ZNF18: variants seen among roughly 807,000 people sequenced by gnomAD.
The protein encoded by ZNF18 is heart development-specific gene 1 protein.
In ZNF18, 42 loss-of-function variants were observed where a neutral mutation model predicts 58.1. The observed-to-expected ratio is 0.72, with a 90% CI of 0.56 to 0.93. ZNF18 has a LOEUF of 0.93. Ranked by LOEUF, ZNF18 falls within the 40% of genes least tolerant of loss-of-function variation. The pLI is 0.00. For synonymous variants in ZNF18, 231 were observed against 239.8 expected, an observed-to-expected ratio of 0.96 and a Z score of 0.34; for missense variants, 540 against 644.2, an observed-to-expected ratio of 0.84 and a Z score of 1.75.
the ZNF18 span, chr17:12,020,969 CGCCAGGCCACCCG>C: frequency 8.2e-7 from 1 of 1,214,054 alleles, no homozygotes; most frequent in Non-Finnish European, 1.0e-6. Flanking sequence ...GGGTCCCCGG[CGCCAGGCCACCCG>C]GCCGTCAGCA....
At chr17:11,984,343 G>A in intron 4 of ZNF18, 146 bp from the exon 5 acceptor site, 1 of 726,654 alleles carries the variant, frequency 1.4e-6, no homozygotes, top group East Asian at 2.7e-5. Context: ...TCCCAGCAGA[G>A]TGGTTCAAGG....
upstream of ZNF18, among the ~76,000 whole-genome samples, chr17:12,000,640 C>T (rs1357864278): frequency 1.3e-5 from 2 of 152,146 alleles, no homozygotes; most frequent in Non-Finnish European, 2.9e-5. Context: ...CGCTTGAGCC[C>T]AGGAGGCAGA....
At chr17:12,020,842 T>G in the ZNF18 span, 1 of 923,214 alleles carries the variant, frequency 1.1e-6, no homozygotes, top group Non-Finnish European at 1.4e-6. Flanking sequence ...CCGAGCTTGC[T>G]GCATTGCAGC....
the ZNF18 span, among the ~76,000 whole-genome samples, chr17:12,006,577 A>T: frequency 2.0e-5 from 3 of 152,174 alleles, no homozygotes; most frequent in East Asian, 5.8e-4. Flanking sequence ...AGTAATAAAA[A>T]ATTATTTGTA....
intron 1 of ZNF18, among the ~76,000 whole-genome samples, chr17:11,996,174 A>G (rs1273230675): frequency 6.6e-6 from 1 of 152,244 alleles, no homozygotes; most frequent in East Asian, 1.9e-4. Context: ...CTGAGTGACA[A>G]TGACAGCATT....
At chr17:12,011,286 G>C in the ZNF18 span, 1 of 300,580 alleles carries the variant, frequency 3.3e-6, no homozygotes, top group African/African-American at 2.1e-5. Context: ...AACTTTAAAA[G>C]AATATAAATG....
chr17:11,999,147 A>G (rs1285258459), upstream of ZNF18, among the ~76,000 whole-genome samples: 1 of 152,196 alleles, frequency 6.6e-6, no homozygotes, highest in Non-Finnish European at 1.5e-5. Flanking sequence ...AGAGGGGAAG[A>G]TTATAGGAGT....
At chr17:11,994,786 A>C (rs1968357134) in intron 1 of ZNF18, among the ~76,000 whole-genome samples, 1 of 152,176 alleles carries the variant, frequency 6.6e-6, no homozygotes, top group African/African-American at 2.4e-5. Context: ...GCTTGCAGTG[A>C]GCTGAGATCG....
intron 2 of ZNF18, among the ~76,000 whole-genome samples, chr17:11,991,489 G>GA (rs1159732207): frequency 3.9e-5 from 6 of 152,352 alleles, no homozygotes; most frequent in African/African-American, 1.2e-4. Flanking sequence ...TGCGCTGGGA[G>GA]ACTTTACCCT....
chr17:11,989,439 A>G (rs1256864128), intron 4 of ZNF18, among the ~76,000 whole-genome samples: 3 of 152,250 alleles, frequency 2.0e-5, no homozygotes, highest in African/African-American at 7.2e-5. Context: ...GGTAGTAATC[A>G]GTAGATAAGG....
chr17:12,003,873 C>G, the ZNF18 span, among the ~76,000 whole-genome samples: 51 of 152,282 alleles, frequency 3.3e-4, no homozygotes, highest in East Asian at 9.5e-3. Context: ...GTTGAACAGG[C>G]TTGAGTCAGG....
At chr17:11,995,201 G>A (rs1439957039) in intron 1 of ZNF18, among the ~76,000 whole-genome samples, 1 of 151,988 alleles carries the variant, frequency 6.6e-6, no homozygotes, top group African/African-American at 2.4e-5. Flanking sequence ...TTGAGGTCAG[G>A]AGTTCAAGAC....
At chr17:11,982,781 CAAGTT>C (rs1237735893) in intron 6 of ZNF18, among the ~76,000 whole-genome samples, 1 of 151,072 alleles carries the variant, frequency 6.6e-6, no homozygotes, top group East Asian at 2.0e-4. Flanking sequence ...TACAAGATAA[CAAGTT>C]AAGATTTCTT....
the ZNF18 span, among the ~76,000 whole-genome samples, chr17:12,010,152 A>C: frequency 6.6e-6 from 1 of 152,078 alleles, no homozygotes; most frequent in East Asian, 1.9e-4. Context: ...ATAAAAACTT[A>C]TAAGTAAAAA....
At chr17:11,989,895 C>A (rs907434495) in intron 4 of ZNF18, among the ~76,000 whole-genome samples, 4 of 152,114 alleles carry the variant, frequency 2.6e-5, no homozygotes, top group African/African-American at 4.8e-5. Flanking sequence ...TTAAGACATA[C>A]AGAAATTGTC....
intron 4 of ZNF18, 86 bp from the exon 5 acceptor site, chr17:11,984,283 A>G (rs1967581800): frequency 1.5e-6 from 2 of 1,333,212 alleles, no homozygotes. Flanking sequence ...AGGAAAGCTG[A>G]GAAGACAGAA....
the ZNF18 span, chr17:12,010,672 T>A: frequency 1.8e-5 from 3 of 168,564 alleles, no homozygotes; most frequent in African/African-American, 7.2e-5. Flanking sequence ...CACCTCACCC[T>A]CCCAAAGTGC....
At position 11,982,386 on chromosome 17, in the gene ZNF18, C is replaced by T. The variant is rs571961280; in HGVS notation, c.862+911G>A. Among the ~76,000 whole-genome samples, 9 of 152,178 alleles carry T rather than the reference C, an allele frequency of 5.9e-5. No homozygotes were observed. The East Asian group carries it at 1.7e-3, about 29-fold the overall frequency. ...TGTTTTTTTTTAACGCTGGTTGTAA[C>T]TCTATCAAATGATTTCACGACTCAC... On this transcript the variant is annotated intron_variant, in intron 6 of 6. Coordinates refer to ENST00000580306, the MANE Select transcript of ZNF18 (RefSeq NM_001303281.2).
At chr17:12,001,172 G>T, upstream of ZNF18, among the ~76,000 whole-genome samples, 1 of 152,144 alleles carries the variant, frequency 6.6e-6, no homozygotes, top group African/African-American at 2.4e-5. Flanking sequence ...CCACTAAAGA[G>T]GAGCTTAAAG....
Sources: allele counts gnomAD v4.1 joint callset (sites outside exome capture counted in the v4.1 genomes callset), GRCh38; gene constraint gnomAD v4.1.1; transcripts MANE v1.5; gene names NCBI Gene and HGNC (gene_info 2026-07-23, HGNC 2026-07-21).